PIP5K1B: variants seen among roughly 807,000 people sequenced by gnomAD.
The protein encoded by PIP5K1B is phosphatidylinositol 4-phosphate 5-kinase type-1 beta.
Under a neutral mutation model 67.0 loss-of-function variants are expected in PIP5K1B, and 42 were observed. The observed-to-expected ratio is 0.63, with a 90% CI of 0.49 to 0.81. PIP5K1B has a LOEUF of 0.81. Among genes scored for constraint, PIP5K1B ranks in the 30% least tolerant of loss-of-function variants. The pLI, the probability that PIP5K1B is intolerant of heterozygous loss-of-function variation, is 0.00. For missense variants in PIP5K1B, 459 were observed against 646.3 expected (o/e 0.71, Z 3.14); for synonymous variants, 214 against 231.4 (o/e 0.92, Z 0.68).
At chr9:68,906,045 G>T (rs1055093081) in intron 8 of PIP5K1B, among the ~76,000 whole-genome samples, 1 of 152,102 alleles carries the variant, frequency 6.6e-6, no homozygotes, top group Non-Finnish European at 1.5e-5. Context: ...TTGAGACAGA[G>T]TCTCATTCTG....
intron 2 of PIP5K1B, among the ~76,000 whole-genome samples, chr9:68,786,462 TTTATTA>T (rs902823922): frequency 6.1e-4 from 85 of 140,130 alleles, no homozygotes; most frequent in Admixed American, 1.0e-3. Context: ...TTTTGGTTTT[TTTATTA>T]TTATTATTAT....
chr9:68,987,256 A>ATAAT (rs142712459), intron 14 of PIP5K1B, among the ~76,000 whole-genome samples: 4 of 150,022 alleles, frequency 2.7e-5, no homozygotes, highest in African/African-American at 7.4e-5. Context: ...CTGTCTCAAA[A>ATAAT]TAATTAATTA....
At chr9:68,926,530 TCA>T (rs1826710441) in intron 12 of PIP5K1B, among the ~76,000 whole-genome samples, 2 of 152,182 alleles carry the variant, frequency 1.3e-5, no homozygotes, top group African/African-American at 2.4e-5. Flanking sequence ...CTTGATTTAT[TCA>T]CAGTTATGCA....
intron 7 of PIP5K1B, among the ~76,000 whole-genome samples, chr9:68,891,630 C>T (rs907979731): frequency 2.6e-5 from 4 of 152,104 alleles, no homozygotes; most frequent in African/African-American, 9.7e-5. Flanking sequence ...GAAATTCTGG[C>T]ACTGAGTCTT....
intron 2 of PIP5K1B, chr9:68,781,060 G>GGA (rs775395098): frequency 1.3e-6 from 2 of 1,585,782 alleles, no homozygotes; most frequent in Non-Finnish European, 1.7e-6. Context: ...TTTTTGCAGT[G>GGA]GAGAGAGAGA....
chr9:68,912,830 A>G (rs1312148160), intron 8 of PIP5K1B, among the ~76,000 whole-genome samples: 5 of 152,098 alleles, frequency 3.3e-5, no homozygotes, highest in African/African-American at 1.2e-4. Context: ...CAAAAGGAGG[A>G]CCAGCTGCTC....
Position 68,780,076 on chromosome 9 carries a change from G to A in PIP5K1B, c.-86+37419G>A, listed in dbSNP as rs1438093308. ...GCCAGCCCGCTGACAGATTCTCGGT[G>A]GCGGCGGCAGCGGCGGCGGCCCTGG... On this transcript the variant is annotated intron_variant, in intron 2 of 15. Transcript: ENST00000265382. 5 of 1,429,872 alleles carry A rather than the reference G, an allele frequency of 3.5e-6. No individual in the cohort carries two copies. The African/African-American group carries it at 4.4e-5, about 13-fold the overall frequency. The allele number at this position is 1,429,872 out of a possible 1,614,324, so 88.6% of individuals were successfully genotyped here. A position where few individuals can be genotyped will look rare whatever the true frequency, so the allele number is the denominator to read the frequency against.
chr9:68,783,158 TC>T (rs2132466568), intron 2 of PIP5K1B: 1 of 167,196 alleles, frequency 6.0e-6, no homozygotes, highest in Non-Finnish European at 1.5e-5. Context: ...TTCACTTGCT[TC>T]CCCATTTCCT....
At chr9:68,865,386 T>C (rs1458275227) in intron 5 of PIP5K1B, among the ~76,000 whole-genome samples, 1 of 152,134 alleles carries the variant, frequency 6.6e-6, no homozygotes, top group Non-Finnish European at 1.5e-5. Context: ...GGTATGATTT[T>C]TTTAGGCTCA....
At chr9:68,734,568 G>A (rs1828632988) in intron 1 of PIP5K1B, among the ~76,000 whole-genome samples, 2 of 152,204 alleles carry the variant, frequency 1.3e-5, no homozygotes. Context: ...ACTGGATATA[G>A]AAGATCCTCC....
chr9:68,984,158 A>G (rs1378564052), intron 14 of PIP5K1B, among the ~76,000 whole-genome samples: 1 of 152,246 alleles, frequency 6.6e-6, no homozygotes, highest in African/African-American at 2.4e-5. Flanking sequence ...CATTTTACAT[A>G]TGGGAAACTG....
At chr9:68,897,725 G>T (rs1825159933) in intron 8 of PIP5K1B, among the ~76,000 whole-genome samples, 1 of 152,058 alleles carries the variant, frequency 6.6e-6, no homozygotes, top group Non-Finnish European at 1.5e-5. Flanking sequence ...CAGACCTTTG[G>T]ACCCCAGCTT....
chr9:68,767,607 A>G (rs994745582), intron 2 of PIP5K1B, among the ~76,000 whole-genome samples: 1 of 151,424 alleles, frequency 6.6e-6, no homozygotes, highest in African/African-American at 2.4e-5. Context: ...AAAAAAAAAA[A>G]AAAAAAGAAA....
chr9:68,760,716 A>G (rs185584187), intron 2 of PIP5K1B, among the ~76,000 whole-genome samples: 39 of 152,240 alleles, frequency 2.6e-4, no homozygotes, highest in African/African-American at 9.1e-4. Context: ...CCAAAAAACC[A>G]TGACTATTTT....
At chr9:68,893,166 A>G (rs11144167) in intron 7 of PIP5K1B, among the ~76,000 whole-genome samples, 44,862 of 151,918 alleles carry the variant, frequency 0.3, 6,899 homozygotes, top group Middle Eastern at 0.35. Context: ...ATATTTCTGG[A>G]ATGAAATAAA....
intron 14 of PIP5K1B, among the ~76,000 whole-genome samples, chr9:68,956,798 A>G (rs996349809): frequency 6.6e-5 from 10 of 152,196 alleles, no homozygotes; most frequent in Non-Finnish European, 1.2e-4. Context: ...AGGCCCATTG[A>G]TGAGCCACAA....
At chr9:68,754,068 C>G (rs1829783173) in intron 2 of PIP5K1B, among the ~76,000 whole-genome samples, 1 of 151,642 alleles carries the variant, frequency 6.6e-6, no homozygotes, top group Non-Finnish European at 1.5e-5. Flanking sequence ...CATTGCATTT[C>G]TGCGTTTATT....
At chr9:68,977,936 C>A (rs186519666) in intron 14 of PIP5K1B, among the ~76,000 whole-genome samples, 2 of 152,058 alleles carry the variant, frequency 1.3e-5, no homozygotes, top group Non-Finnish European at 2.9e-5. Context: ...CGTGAGCCAC[C>A]GCGCCTGGCC....
At chr9:68,763,752 C>T (rs1338914355) in intron 2 of PIP5K1B, among the ~76,000 whole-genome samples, 2 of 152,124 alleles carry the variant, frequency 1.3e-5, no homozygotes, top group Admixed American at 1.3e-4. Flanking sequence ...AATTTACACT[C>T]AAAATAGAAA....
Sources: allele counts gnomAD v4.1 joint callset (sites outside exome capture counted in the v4.1 genomes callset), GRCh38; gene constraint gnomAD v4.1.1; transcripts MANE v1.5; gene names NCBI Gene and HGNC (gene_info 2026-07-23, HGNC 2026-07-21).